The following NAV2 variants were observed in gnomAD, a reference collection of about 807,000 sequenced individuals.
The protein encoded by NAV2 is helicase, APC down-regulated 1.
Under a neutral mutation model 223.2 loss-of-function variants are expected in NAV2, and 54 were observed. The ratio of observed to expected loss-of-function variants is 0.24; its 90% CI spans 0.19 to 0.30. The LOEUF (loss-of-function observed/expected upper bound fraction) is 0.30. Among genes scored for constraint, NAV2 ranks in the 10% least tolerant of loss-of-function variants. The pLI is 1.00. For missense variants in NAV2, 2,806 were observed against 3,147.5 expected, an observed-to-expected ratio of 0.89 and a Z score of 2.60; for synonymous variants, 1,279 against 1,239.3, an observed-to-expected ratio of 1.03 and a Z score of -0.67.
At chr11:19,751,493 C>A (rs1035819356) in intron 1 of NAV2, among the ~76,000 whole-genome samples, 1 of 152,222 alleles carries the variant, frequency 6.6e-6, no homozygotes, top group Non-Finnish European at 1.5e-5. Flanking sequence ...TCCACACCAA[C>A]CACATCAGCT....
intron 1 of NAV2, among the ~76,000 whole-genome samples, chr11:19,408,058 G>A (rs909331077): frequency 3.3e-5 from 5 of 152,020 alleles, no homozygotes; most frequent in East Asian, 3.9e-4. Flanking sequence ...GCCCAGTGCC[G>A]TCAGTTCCCA....
chr11:19,364,789 G>A (rs79393617), intron 1 of NAV2, among the ~76,000 whole-genome samples: 2,347 of 152,272 alleles, frequency 0.015, 72 homozygotes, highest in African/African-American at 0.054. Flanking sequence ...GTTTTCCACT[G>A]TATAAAATAG....
At chr11:19,847,213 T>C (rs2625319) in intron 3 of NAV2, among the ~76,000 whole-genome samples, 42,865 of 152,088 alleles carry the variant, frequency 0.28, 6,592 homozygotes, top group South Asian at 0.45. Flanking sequence ...ACTCAGGACA[T>C]TGGGGGCATT....
At chr11:19,521,043 G>A (rs924064795) in intron 1 of NAV2, among the ~76,000 whole-genome samples, 5 of 152,126 alleles carry the variant, frequency 3.3e-5, no homozygotes, top group African/African-American at 1.2e-4. Context: ...TGGTTTATTT[G>A]GACCCTGCAA....
At chr11:19,404,142 A>G (rs2702678) in intron 1 of NAV2, among the ~76,000 whole-genome samples, 124,604 of 152,064 alleles carry the variant, frequency 0.82, 51,796 homozygotes, top group Non-Finnish European at 0.9. Flanking sequence ...AGAGGTTGGG[A>G]GCCCAATTGC....
At chr11:20,101,780 G>A (rs1240843029) in intron 32 of NAV2, among the ~76,000 whole-genome samples, 2 of 152,186 alleles carry the variant, frequency 1.3e-5, no homozygotes, top group Non-Finnish European at 1.5e-5. Flanking sequence ...GGTGAGCAAC[G>A]GAAACCTGTT....
chr11:19,941,654 A>G (rs980608895), intron 8 of NAV2, among the ~76,000 whole-genome samples: 1 of 152,060 alleles, frequency 6.6e-6, no homozygotes, highest in African/African-American at 2.4e-5. Flanking sequence ...CTTGCATGAT[A>G]GAATTGAAGG....
chr11:19,983,753 A>G (rs1417349398), intron 10 of NAV2, among the ~76,000 whole-genome samples: 1 of 152,122 alleles, frequency 6.6e-6, no homozygotes, highest in Non-Finnish European at 1.5e-5. Context: ...ATGATTTGTC[A>G]GTTCCATTTC....
intron 36 of NAV2, among the ~76,000 whole-genome samples, chr11:20,112,241 C>T (rs969435382): frequency 3.9e-5 from 6 of 152,206 alleles, no homozygotes; most frequent in African/African-American, 1.4e-4. Flanking sequence ...ATGCCCCTCA[C>T]ACGATTCCTT....
chr11:20,068,272 A>T, intron 21 of NAV2, 52 bp from the exon 22 acceptor site: 1 of 1,611,064 alleles, frequency 6.2e-7, no homozygotes, highest in Non-Finnish European at 8.5e-7. Flanking sequence ...GACCCTGCTC[A>T]CCTTGGAAAT....
intron 1 of NAV2, among the ~76,000 whole-genome samples, chr11:19,533,856 G>A (rs2044104841): frequency 6.9e-6 from 1 of 144,678 alleles, no homozygotes; most frequent in African/African-American, 2.9e-5. Flanking sequence ...ACAGGCGCCC[G>A]CCACTACGCC....
At chr11:19,642,064 G>T (rs1407747231) in intron 1 of NAV2, among the ~76,000 whole-genome samples, 2 of 152,136 alleles carry the variant, frequency 1.3e-5, no homozygotes, top group Admixed American at 1.3e-4. Flanking sequence ...ATGACGGGCT[G>T]CTCTGTTTGT....
chr11:19,575,975 T>C (rs947743081), intron 1 of NAV2, among the ~76,000 whole-genome samples: 1 of 152,178 alleles, frequency 6.6e-6, no homozygotes, highest in East Asian at 1.9e-4. Flanking sequence ...CAGTTGAGCC[T>C]GGGTGGTTCA....
chr11:19,429,871 G>A (rs1850979014), intron 1 of NAV2, among the ~76,000 whole-genome samples: 1 of 152,136 alleles, frequency 6.6e-6, no homozygotes, highest in Non-Finnish European at 1.5e-5. Context: ...TTTCCCACCA[G>A]GGCCTCCAAA....
chr11:19,770,963 T>C (rs2055672237), intron 1 of NAV2, among the ~76,000 whole-genome samples: 1 of 152,190 alleles, frequency 6.6e-6, no homozygotes, highest in Non-Finnish European at 1.5e-5. Flanking sequence ...ATTTTTGGCT[T>C]CCCGTTTCAG....
chr11:19,740,276 G>T (rs140277067), intron 1 of NAV2, among the ~76,000 whole-genome samples: 17 of 152,260 alleles, frequency 1.1e-4, no homozygotes, highest in African/African-American at 3.6e-4. Context: ...CAAAGACATG[G>T]GGATGAAACG....
At chr11:19,401,827 G>A (rs1232480745) in intron 1 of NAV2, 1 of 152,196 alleles carries the variant, frequency 6.6e-6, no homozygotes, top group African/African-American at 2.4e-5. Context: ...AGACCACTCT[G>A]AAAATTTAAT....
chr11:19,619,290 G>C (rs1410134973), intron 1 of NAV2, among the ~76,000 whole-genome samples: 1 of 152,088 alleles, frequency 6.6e-6, no homozygotes, highest in Non-Finnish European at 1.5e-5. Context: ...TGAGAAAGCT[G>C]GGTCAAGTGG....
In NAV2 at chr11:19,741,685, GTGTATATATATATATATATA is replaced by G. The variant is rs149960900; in HGVS notation, c.267+27725_267+27744del. 8.5e-3 allele frequency among the ~76,000 whole-genome samples: 1,124 copies of G among 131,830 alleles called. 16 individuals are homozygous for G. Among genetic ancestry groups the G allele is most frequent in the Non-Finnish European group, 0.012 (767 of 65,070 alleles). 86.5% of individuals were successfully genotyped at this position (131,830 alleles called of 152,430 possible). On this transcript the variant is annotated intron_variant, in intron 1 of 37. Coordinates refer to ENST00000349880, the MANE Select transcript of NAV2 (RefSeq NM_145117.5). ...GTGTATGTATGTATCATGTGTGTGT[GTGTATATATATATATATATA>G]TATATATATATATATATATATATCA...
Sources: allele counts gnomAD v4.1 joint callset (sites outside exome capture counted in the v4.1 genomes callset), GRCh38; gene constraint gnomAD v4.1.1; transcripts MANE v1.5; gene names NCBI Gene and HGNC (gene_info 2026-07-23, HGNC 2026-07-21).